Variants in OPA1 observed in about 807,000 individuals in gnomAD.
OPA1 encodes dynamin-like GTPase OPA1, mitochondrial.
Under a neutral mutation model 152.9 loss-of-function variants are expected in OPA1, and 59 were observed. The observed-to-expected ratio is 0.39, with a 90% CI of 0.31 to 0.48. The LOEUF is 0.48. Ranked by LOEUF, OPA1 falls within the 20% of genes least tolerant of loss-of-function variation. The pLI is 0.96. For synonymous variants in OPA1, 400 were observed against 389.9 expected (o/e 1.03, Z -0.31); for missense variants, 1,008 against 1,216.8 (o/e 0.83, Z 2.55).
At chr3:193,598,209 C>A (rs1269300942) in intron 1 of OPA1, among the ~76,000 whole-genome samples, 1 of 152,102 alleles carries the variant, frequency 6.6e-6, no homozygotes, top group African/African-American at 2.4e-5. Context: ...GGAGAAAGAT[C>A]GCTTAATTTT....
At chr3:193,655,165 C>T in intron 22 of OPA1, 138 bp downstream of exon 22, 1 of 804,020 alleles carries the variant, frequency 1.2e-6, no homozygotes, top group South Asian at 1.7e-5. Flanking sequence ...TATTCCTCAT[C>T]TCTGTTTTGG....
chr3:193,653,591 T>A (rs1290427206), intron 21 of OPA1, among the ~76,000 whole-genome samples: 1 of 152,222 alleles, frequency 6.6e-6, no homozygotes, highest in Non-Finnish European at 1.5e-5. Flanking sequence ...TTTTAAGATG[T>A]CTTTCAAGGC....
chr3:193,649,372 T>A (rs1317748451), intron 21 of OPA1, among the ~76,000 whole-genome samples: 2 of 152,200 alleles, frequency 1.3e-5, no homozygotes, highest in Non-Finnish European at 2.9e-5. Context: ...AATATGTTAA[T>A]CTTTTCTAAG....
At chr3:193,598,758 G>A (rs905739919) in intron 1 of OPA1, among the ~76,000 whole-genome samples, 1 of 152,190 alleles carries the variant, frequency 6.6e-6, no homozygotes, top group African/African-American at 2.4e-5. Flanking sequence ...CAGCTATTAT[G>A]CCATTTTAAC....
intron 1 of OPA1, among the ~76,000 whole-genome samples, chr3:193,612,268 CTTTT>C (rs34283831): frequency 8.6e-6 from 1 of 116,362 alleles, no homozygotes; most frequent in Non-Finnish European, 1.7e-5. Flanking sequence ...GTCTAACTTC[CTTTT>C]TTTTTTTTTT....
rs758248456 is a variant in OPA1, at chr3:193,662,845, T to A, written c.2544T>A (p.Asn848Lys). The A allele has an allele frequency of 1.5e-5, 24 of 1,613,302 alleles. No individual in the cohort carries two copies. In the East Asian group the frequency reaches 3.1e-4, roughly 21 times the overall value. The change falls in exon 26 of 31, where the codon AAT becomes AAA. Residue 848 changes from asparagine to lysine, a missense_variant. Asn to Lys is a moderately conservative substitution (Grantham distance 94). This residue lies in a region of OPA1 where 229 missense variants were observed against 269.0 expected (regional missense o/e 0.85). Coordinates refer to ENST00000361510, the MANE Select transcript of OPA1 (RefSeq NM_130837.3). ...QEQCVHNETK[N>K]ELEKMLKCNE... ...AGTGTGTTCACAATGAAACCAAGAA[T>A]GAATTGGAGAAGATGTTGAAATGTA...
At chr3:193,668,074 C>G (rs1387489777) in intron 29 of OPA1, among the ~76,000 whole-genome samples, 1 of 152,146 alleles carries the variant, frequency 6.6e-6, no homozygotes, top group African/African-American at 2.4e-5. Flanking sequence ...TATACACACA[C>G]TGACATCTGT....
chr3:193,634,595 A>G (rs554632435), intron 8 of OPA1, among the ~76,000 whole-genome samples: 45 of 152,114 alleles, frequency 3.0e-4, no homozygotes, highest in South Asian at 1.7e-3. Flanking sequence ...TTTTTAGTAG[A>G]GACAGGGTTT....
chr3:193,685,151 A>C (rs1720764181), intron 29 of OPA1, among the ~76,000 whole-genome samples: 3 of 152,008 alleles, frequency 2.0e-5, no homozygotes, highest in African/African-American at 7.2e-5. Flanking sequence ...AATACAAAAA[A>C]ATTGGCCAGG....
At chr3:193,692,514 G>A (rs1263484335) in intron 30 of OPA1, among the ~76,000 whole-genome samples, 2 of 152,082 alleles carry the variant, frequency 1.3e-5, no homozygotes, top group East Asian at 3.8e-4. Context: ...AACTTAGAAA[G>A]TTTTCTGTTT....
chr3:193,668,273 C>G, intron 29 of OPA1: 1 of 1,467,130 alleles, frequency 6.8e-7, no homozygotes, highest in Non-Finnish European at 9.3e-7. Context: ...TCCTCCTATA[C>G]GTAACCCAAC....
chr3:193,614,124 A>G lies in OPA1; in HGVS notation c.33-599A>G, dbSNP rs186134548. 5.2e-3 allele frequency among the ~76,000 whole-genome samples: 795 copies of G among 152,284 alleles called. 4 individuals are homozygous for G. The highest frequency in any genetic ancestry group is 8.6e-3 in the Non-Finnish European group (582 of 68,018). ...CTGTTCCCTTTCGAGCTTTTTTGCT[A>G]CTTTCATTCTTCTGGGGATCCAGGT... On this transcript the variant is annotated intron_variant, in intron 1 of 30. Transcript: ENST00000361510.
At chr3:193,661,219 C>G (rs720927) in intron 25 of OPA1, among the ~76,000 whole-genome samples, 76,346 of 152,062 alleles carry the variant, frequency 0.5, 19,666 homozygotes, top group African/African-American at 0.59. Context: ...AAACCCTTTA[C>G]AGAAGAGCCT....
At chr3:193,667,142 C>T in intron 28 of OPA1, 28 bp from the exon 29 acceptor site, 2 of 1,048,338 alleles carry the variant, frequency 1.9e-6, no homozygotes, top group South Asian at 2.5e-5. Context: ...AACGATGCTC[C>T]TCAGGTTTTT....
intron 29 of OPA1, among the ~76,000 whole-genome samples, chr3:193,672,805 G>T (rs1250116288): frequency 1.3e-5 from 2 of 150,968 alleles, no homozygotes; most frequent in Non-Finnish European, 2.9e-5. Context: ...GGAGGCAGAG[G>T]TTGCAGTGAG....
chr3:193,645,427 G>C, intron 16 of OPA1, 126 bp from the exon 17 acceptor site: 1 of 650,846 alleles, frequency 1.5e-6, no homozygotes, highest in South Asian at 2.0e-5. Context: ...CATTTTAAAT[G>C]CTTTTGTGCA....
chr3:193,667,691 A>AG (rs1716938863), intron 29 of OPA1, among the ~76,000 whole-genome samples: 1 of 149,720 alleles, frequency 6.7e-6, no homozygotes, highest in Non-Finnish European at 1.5e-5. Context: ...AAAAAAAAAA[A>AG]GTTACAAGGA....
chr3:193,624,717 A>G (rs562579701), intron 6 of OPA1, among the ~76,000 whole-genome samples: 16 of 152,274 alleles, frequency 1.1e-4, no homozygotes, highest in South Asian at 6.2e-4. Context: ...GAAATCAACT[A>G]GTTTTAACCT....
chr3:193,660,051 G>A (rs1295187462), intron 25 of OPA1, among the ~76,000 whole-genome samples: 2 of 152,160 alleles, frequency 1.3e-5, no homozygotes, highest in African/African-American at 4.8e-5. Flanking sequence ...GTGAGGCTGA[G>A]GTGGGAAGGA....
Sources: gnomAD v4.1 joint callset for allele counts (sites outside exome capture counted in the v4.1 genomes callset) on GRCh38, gnomAD v4.1.1 for gene constraint, gnomAD v4.1.1 regional missense constraint, MANE v1.5 for transcripts, NCBI Gene and HGNC (gene_info 2026-07-23, HGNC 2026-07-21) for gene names.